NACC2: variants seen among roughly 807,000 people sequenced by gnomAD.
NACC2 encodes the protein nucleus accumbens-associated protein 2.
NACC2 carries 8 observed loss-of-function variants against 25.1 expected under a neutral mutation model. The ratio of observed to expected loss-of-function variants is 0.32; its 90% CI spans 0.19 to 0.57. NACC2 has a LOEUF of 0.57. Ranked by LOEUF, NACC2 falls within the 20% of genes least tolerant of loss-of-function variation. NACC2 has a pLI of 0.89. For synonymous variants in NACC2, 435 were observed against 294.7 expected, an observed-to-expected ratio of 1.48 and a Z score of -4.88; for missense variants, 644 against 650.2, an observed-to-expected ratio of 0.99 and a Z score of 0.10.
At chr9:136,072,839 A>C (rs1443507729) in intron 1 of NACC2, among the ~76,000 whole-genome samples, 1 of 145,578 alleles carries the variant, frequency 6.9e-6, no homozygotes, top group Non-Finnish European at 1.5e-5. Context: ...AACAAGAGTG[A>C]AACTCCGTCT....
At position 136,008,974 on chromosome 9, in the gene NACC2, G is replaced by C. The variant is rs1302880434; in HGVS notation, c.*2542C>G. On this transcript the variant is annotated 3_prime_UTR_variant, in exon 6 of 6. Transcript: ENST00000277554. ...GGCGATTACAAACGAGTGAGGAAGG[G>C]GCACGGGACATTGTGCGGGCCTGAA... 1 of 152,278 alleles carries C rather than the reference G, an allele frequency of 6.6e-6. No individual in the cohort carries two copies. The highest frequency in any genetic ancestry group is 1.5e-5 in the Non-Finnish European group (1 of 68,090). The allele number at this position is 152,278 out of a possible 1,614,324, so 9.4% of individuals were successfully genotyped here.
chr9:136,040,124 T>A (rs953923604), intron 2 of NACC2, among the ~76,000 whole-genome samples: 1 of 152,066 alleles, frequency 6.6e-6, no homozygotes, highest in Non-Finnish European at 1.5e-5. Flanking sequence ...GGCGGGTGGA[T>A]TACAAGGTCA....
At chr9:136,079,754 T>G (rs894504958) in intron 1 of NACC2, among the ~76,000 whole-genome samples, 1 of 152,172 alleles carries the variant, frequency 6.6e-6, no homozygotes, top group Non-Finnish European at 1.5e-5. Context: ...CTACCCATTC[T>G]GCGACTAGGA....
intron 2 of NACC2, among the ~76,000 whole-genome samples, chr9:136,033,097 G>T (rs1588564567): frequency 6.6e-6 from 1 of 151,220 alleles, no homozygotes; most frequent in African/African-American, 2.5e-5. Context: ...AATCACTTGA[G>T]CCCAGGAGGT....
At chr9:136,029,173 G>A (rs945772311) in intron 2 of NACC2, among the ~76,000 whole-genome samples, 3 of 152,170 alleles carry the variant, frequency 2.0e-5, no homozygotes, top group African/African-American at 7.2e-5. Context: ...GCCCACTCAT[G>A]GCTGCCCATG....
At chr9:136,040,344 C>CA (rs35210775) in intron 2 of NACC2, among the ~76,000 whole-genome samples, 37,436 of 136,098 alleles carry the variant, frequency 0.28, 4,762 homozygotes, top group East Asian at 0.32. Context: ...GACTCCGTCT[C>CA]AAAAAAAAAA....
intron 1 of NACC2, among the ~76,000 whole-genome samples, chr9:136,066,530 G>A (rs113247036): frequency 1.1e-4 from 16 of 152,298 alleles, no homozygotes; most frequent in African/African-American, 3.6e-4. Flanking sequence ...AAGAGATGTA[G>A]CGATCGGGAA....
At chr9:136,077,037 G>A (rs577623566) in intron 1 of NACC2, among the ~76,000 whole-genome samples, 2 of 151,314 alleles carry the variant, frequency 1.3e-5, no homozygotes, top group Non-Finnish European at 2.9e-5. Context: ...TAAAATAGCC[G>A]GGTGTGGTGG....
At chr9:136,031,911 C>T (rs915164802) in intron 2 of NACC2, among the ~76,000 whole-genome samples, 17 of 146,036 alleles carry the variant, frequency 1.2e-4, no homozygotes, top group African/African-American at 4.8e-4. Flanking sequence ...GGCATCTGCA[C>T]CAACACCCAC....
At chr9:136,035,338 G>A (rs917110864) in intron 2 of NACC2, among the ~76,000 whole-genome samples, 14 of 152,008 alleles carry the variant, frequency 9.2e-5, no homozygotes, top group Non-Finnish European at 1.8e-4. Context: ...GTGACGCACT[G>A]AGAAGGTTCC....
At chr9:136,072,321 A>T (rs1196360063) in intron 1 of NACC2, among the ~76,000 whole-genome samples, 10 of 151,996 alleles carry the variant, frequency 6.6e-5, no homozygotes, top group African/African-American at 2.2e-4. Flanking sequence ...CACGGTGAGC[A>T]GATCACTTGA....
intron 2 of NACC2, among the ~76,000 whole-genome samples, chr9:136,024,183 C>T (rs1266682091): frequency 1.9e-4 from 10 of 53,118 alleles, no homozygotes; most frequent in Non-Finnish European, 2.5e-4. Flanking sequence ...TGTGTGAGGA[C>T]GGAGTGTGTG....
intron 1 of NACC2, among the ~76,000 whole-genome samples, chr9:136,058,231 C>A (rs1212834529): frequency 6.6e-6 from 1 of 152,240 alleles, no homozygotes; most frequent in African/African-American, 2.4e-5. Flanking sequence ...GGGTCACCAA[C>A]CTCGCCCTGC....
At chr9:136,063,284 G>A (rs1482042686) in intron 1 of NACC2, among the ~76,000 whole-genome samples, 1 of 152,232 alleles carries the variant, frequency 6.6e-6, no homozygotes, top group Non-Finnish European at 1.5e-5. Flanking sequence ...AGGGGGCCCT[G>A]GAGGCTGGGG....
chr9:136,040,952 G>A (rs1840617636), intron 2 of NACC2, among the ~76,000 whole-genome samples: 2 of 141,760 alleles, frequency 1.4e-5, no homozygotes, highest in Non-Finnish European at 3.0e-5. Flanking sequence ...CAGAGTGAGA[G>A]TGAGACCCTG....
Position 136,013,325 on chromosome 9 carries a change from G to T in NACC2, c.1158-29C>A. The T allele has an allele frequency of 6.3e-7, 1 of 1,599,502 alleles. No homozygotes were observed. The highest frequency in any genetic ancestry group is 2.2e-5 in the East Asian group (1 of 44,650). On this transcript the variant is annotated intron_variant, in intron 4 of 5. Coordinates refer to ENST00000277554, the MANE Select transcript of NACC2 (RefSeq NM_144653.5). This position sits in a 1 kb window ranked among gnomAD's most constrained non-coding sequence, Gnocchi z 6.6. Reference sequence around the variant, plus strand: ...GTGGAGGGACCGGAAAGGCAGGCAGGGTGAGGATGATGGGGAGGGTACCTG... The same window carrying T: ...GTGGAGGGACCGGAAAGGCAGGCAGTGTGAGGATGATGGGGAGGGTACCTG...
rs1554743891 is a variant in NACC2, at chr9:136,086,719, G to A, written c.-60+8470C>T. On this transcript the variant is annotated intron_variant, in intron 1 of 5. Coordinates refer to ENST00000277554, the MANE Select transcript of NACC2 (RefSeq NM_144653.5). This position sits in a 1 kb window ranked among gnomAD's most constrained non-coding sequence, Gnocchi z 5.6. ...CTAGGAAAACCCTCCCCGACCAGTG[G>A]CCCCGTTTCCCTCCCACGACCCCCG... Among the ~76,000 whole-genome samples the A allele has an allele frequency of 6.6e-6, 1 of 152,130 alleles. No homozygotes were observed. The highest frequency in any genetic ancestry group is 1.5e-5 in the Non-Finnish European group (1 of 68,026).
At chr9:136,082,944 C>A (rs563919694) in intron 1 of NACC2, among the ~76,000 whole-genome samples, 2 of 152,380 alleles carry the variant, frequency 1.3e-5, no homozygotes, top group South Asian at 4.1e-4. Context: ...GCCTGCCTCA[C>A]TCCTGCCAGA....
intron 1 of NACC2, among the ~76,000 whole-genome samples, chr9:136,083,625 G>A (rs919346935): frequency 1.3e-4 from 20 of 152,344 alleles, no homozygotes; most frequent in Admixed American, 9.8e-4. Flanking sequence ...AGACTGGCAC[G>A]AGACGGGCAT....
Sources: allele counts gnomAD v4.1 joint callset (sites outside exome capture counted in the v4.1 genomes callset), GRCh38; gene constraint gnomAD v4.1.1; non-coding constraint Gnocchi (gnomAD v3.1); transcripts MANE v1.5; gene names NCBI Gene and HGNC (gene_info 2026-07-23, HGNC 2026-07-21).